Variants in KATNIP observed in about 807,000 individuals in gnomAD.
The protein encoded by KATNIP is katanin interacting protein.
Under a neutral mutation model 174.0 loss-of-function variants are expected in KATNIP, and 126 were observed. That is an observed-to-expected ratio of 0.72 (90% CI 0.63 to 0.84). KATNIP has a LOEUF of 0.84. Among genes scored for constraint, KATNIP ranks in the 40% least tolerant of loss-of-function variants. KATNIP has a pLI of 0.00. For synonymous variants in KATNIP, 810 were observed against 835.7 expected, an observed-to-expected ratio of 0.97 and a Z score of 0.53; for missense variants, 1,958 against 2,109.7, an observed-to-expected ratio of 0.93 and a Z score of 1.41.
intron 2 of KATNIP, among the ~76,000 whole-genome samples, chr16:27,598,872 C>T (rs1168168734): frequency 6.6e-6 from 1 of 152,086 alleles, no homozygotes; most frequent in African/African-American, 2.4e-5. Flanking sequence ...CTTTGGGGAG[C>T]CCACAGATCC....
intron 14 of KATNIP, 50 bp from the exon 15 acceptor site, chr16:27,739,989 TAC>T: frequency 6.5e-7 from 1 of 1,535,012 alleles, no homozygotes. Context: ...CAAAATTTCA[TAC>T]ATCAGTCTGA....
At position 27,628,585 on chromosome 16, in the gene KATNIP, T is replaced by C. The variant is rs111848606; in HGVS notation, c.141-76T>C. 2.7e-6 allele frequency: 4 copies of C among 1,481,134 alleles called. No individual in the cohort carries two copies. The East Asian group carries it at 9.1e-5, about 34-fold the overall frequency. The allele number at this position is 1,481,134 out of a possible 1,614,324, so 91.7% of individuals were successfully genotyped here. On this transcript the variant is annotated intron_variant, in intron 3 of 27. Transcript: ENST00000261588. ...AGACGCTTCACTGTGGGAACAGCAGTTCACTCCTGGCTTGGGGGTACAGCA... is the reference window on the plus strand; with the variant it reads ...AGACGCTTCACTGTGGGAACAGCAGCTCACTCCTGGCTTGGGGGTACAGCA...
chr16:27,605,594 T>C (rs1262405999), intron 2 of KATNIP, among the ~76,000 whole-genome samples: 1 of 152,188 alleles, frequency 6.6e-6, no homozygotes, highest in Non-Finnish European at 1.5e-5. Flanking sequence ...TCCCTTTGAT[T>C]ATCCATCTGG....
At chr16:27,572,638 C>T (rs1596757619) in intron 1 of KATNIP, among the ~76,000 whole-genome samples, 1 of 152,112 alleles carries the variant, frequency 6.6e-6, no homozygotes, top group Non-Finnish European at 1.5e-5. Context: ...CATAGCACAG[C>T]ATACTGAGGT....
At chr16:27,725,068 G>A (rs1177047860) in intron 14 of KATNIP, among the ~76,000 whole-genome samples, 2 of 152,266 alleles carry the variant, frequency 1.3e-5, no homozygotes, top group East Asian at 3.9e-4. Context: ...GGACGTGGAG[G>A]CTGCACCACC....
At chr16:27,659,717 G>C (rs1368117401) in intron 6 of KATNIP, among the ~76,000 whole-genome samples, 1 of 152,054 alleles carries the variant, frequency 6.6e-6, no homozygotes, top group South Asian at 2.1e-4. Flanking sequence ...TTCTGATTAG[G>C]TATGACTTGA....
intron 6 of KATNIP, among the ~76,000 whole-genome samples, chr16:27,668,366 G>A (rs1043918861): frequency 6.6e-6 from 1 of 152,200 alleles, no homozygotes; most frequent in African/African-American, 2.4e-5. Context: ...TAGTGAATGA[G>A]TCTCAGGAGA....
At chr16:27,558,337 G>C (rs1414920275) in intron 1 of KATNIP, among the ~76,000 whole-genome samples, 1 of 152,010 alleles carries the variant, frequency 6.6e-6, no homozygotes, top group Non-Finnish European at 1.5e-5. Context: ...GTAGGGATGG[G>C]GTTTCATATG....
At chr16:27,657,020 AAGG>A (rs1169167597) in intron 6 of KATNIP, among the ~76,000 whole-genome samples, 5 of 152,128 alleles carry the variant, frequency 3.3e-5, no homozygotes, top group Non-Finnish European at 7.4e-5. Flanking sequence ...TGCTACATAA[AAGG>A]AGAATTTTGG....
chr16:27,692,293 A>G lies in KATNIP; in HGVS notation c.941-6035A>G, dbSNP rs78144122. Among the ~76,000 whole-genome samples the G allele has an allele frequency of 5.3e-4, 81 of 152,244 alleles. 1 individual carries two copies. The highest frequency in any genetic ancestry group is 1.9e-3 in the African/African-American group (77 of 41,548). On this transcript the variant is annotated intron_variant, in intron 8 of 27. Transcript: ENST00000261588. ...GTCTAAAGGGAGCTTGATTTTTTCA[A>G]CTGTGCTTTACTACAGATGATGGAG...
chr16:27,560,853 AGT>A lies in KATNIP; in HGVS notation c.7+10679_7+10680del, dbSNP rs551218737. Reference sequence around the variant, plus strand: ...AGGACTGGCACAGGCAGATCCCATGAGTGTTTGCTGGGTTGACACTGTAACCA... The same window carrying A: ...AGGACTGGCACAGGCAGATCCCATGAGTTTGCTGGGTTGACACTGTAACCA... On this transcript the variant is annotated intron_variant, in intron 1 of 27. Coordinates refer to ENST00000261588, the MANE Select transcript of KATNIP (RefSeq NM_015202.5). Among the ~76,000 whole-genome samples the A allele has an allele frequency of 1.7e-3, 252 of 152,098 alleles. 2 individuals carry two copies. Among genetic ancestry groups the A allele is most frequent in the African/African-American group, 5.6e-3 (232 of 41,490 alleles).
At chr16:27,709,348 A>G (rs1230630158) in intron 13 of KATNIP, among the ~76,000 whole-genome samples, 2 of 151,388 alleles carry the variant, frequency 1.3e-5, no homozygotes, top group South Asian at 2.1e-4. Context: ...TAGGCCGGGT[A>G]TGGTGGCTCA....
chr16:27,673,954 C>T (rs1003767837), intron 6 of KATNIP, among the ~76,000 whole-genome samples: 10 of 152,148 alleles, frequency 6.6e-5, no homozygotes, highest in African/African-American at 2.4e-4. Flanking sequence ...ACTGGTCGAG[C>T]ACCTACTATG....
chr16:27,759,373 G>A (rs950946740), intron 18 of KATNIP, among the ~76,000 whole-genome samples: 3 of 152,232 alleles, frequency 2.0e-5, no homozygotes, highest in East Asian at 3.8e-4. Flanking sequence ...GGCCTCTCAG[G>A]AAATGACATT....
At chr16:27,677,695 T>A in intron 6 of KATNIP, 34 bp from the exon 7 acceptor site, 1 of 1,576,948 alleles carries the variant, frequency 6.3e-7, no homozygotes, top group Non-Finnish European at 8.6e-7. Context: ...AGGTACCATA[T>A]TTATCTCTCA....
intron 1 of KATNIP, among the ~76,000 whole-genome samples, chr16:27,555,372 G>T (rs1182990035): frequency 6.6e-6 from 1 of 152,148 alleles, no homozygotes; most frequent in African/African-American, 2.4e-5. Context: ...TTTCTGTGAT[G>T]CAGTGTAATG....
At chr16:27,589,422 C>T (rs2075101933) in intron 2 of KATNIP, among the ~76,000 whole-genome samples, 1 of 152,188 alleles carries the variant, frequency 6.6e-6, no homozygotes, top group Admixed American at 6.5e-5. Context: ...ATGAGCATGG[C>T]TGTGTTCCAG....
At position 27,731,305 on chromosome 16, in the gene KATNIP, A is replaced by G. The variant is rs2080672388; in HGVS notation, c.1744-8736A>G. ...GGGGGATTGCCGCACTGGGCCCTGC[A>G]GCGCAGTGTCTCTGAGCCAGGCCAA... On this transcript the variant is annotated intron_variant, in intron 14 of 27. Coordinates refer to ENST00000261588, the MANE Select transcript of KATNIP (RefSeq NM_015202.5). 2.0e-5 allele frequency among the ~76,000 whole-genome samples: 3 copies of G among 152,358 alleles called. No individual in the cohort carries two copies. In the South Asian group the frequency reaches 6.2e-4, roughly 32 times the overall value.
At chr16:27,696,698 G>A (rs987957473) in intron 8 of KATNIP, among the ~76,000 whole-genome samples, 11 of 150,994 alleles carry the variant, frequency 7.3e-5, no homozygotes, top group Non-Finnish European at 1.0e-4. Flanking sequence ...ATAGTATTCC[G>A]TGGTGTATTC....
Sources: gnomAD v4.1 joint callset for allele counts (sites outside exome capture counted in the v4.1 genomes callset) on GRCh38, gnomAD v4.1.1 for gene constraint, MANE v1.5 for transcripts, NCBI Gene and HGNC (gene_info 2026-07-23, HGNC 2026-07-21) for gene names.